CFAP70: variants seen among roughly 807,000 people sequenced by gnomAD.
The protein encoded by CFAP70 is cilia- and flagella-associated protein 70.
A neutral mutation model predicts 137.6 loss-of-function variants in CFAP70; 81 were observed. The ratio of observed to expected loss-of-function variants is 0.59; its 90% confidence interval spans 0.49 to 0.71. The LOEUF (loss-of-function observed/expected upper bound fraction) is 0.71. Among genes scored for constraint, CFAP70 ranks in the 30% least tolerant of loss-of-function variants. The probability of loss-of-function intolerance (pLI) is 0.00; values close to 1 mark genes in which losing one functional copy is unlikely to be tolerated. For synonymous variants in CFAP70, 382 were observed against 423.6 expected (o/e 0.90, Z 1.20); for missense variants, 976 against 1,226.7 (o/e 0.80, Z 3.05).
exon 8 of CFAP70, chr10:73,331,212 T>A: frequency 1.2e-6 from 2 of 1,613,448 alleles, no homozygotes; most frequent in South Asian, 2.2e-5. Flanking sequence ...TTGGGTATAG[T>A]GACCAGAGGA....
In CFAP70 at chr10:73,266,669, T is replaced by C. The variant is rs118065727; in HGVS notation, c.3027+2945A>G. On this transcript the variant is annotated intron_variant, in intron 25 of 26. Coordinates refer to ENST00000310715, the Ensembl canonical transcript of CFAP70. ...TTAAAAAGTCATGAATGGGTGTTAA[T>C]TTTAGCCAATGATTTAGTTTTTAAA... 4.6e-3 allele frequency among the ~76,000 whole-genome samples: 706 copies of C among 152,274 alleles called. 2 individuals are homozygous for C. The highest frequency in any genetic ancestry group is 6.9e-3 in the Non-Finnish European group (469 of 68,006).
At chr10:73,321,966 T>C (rs899491369) in intron 9 of CFAP70, among the ~76,000 whole-genome samples, 27 of 152,136 alleles carry the variant, frequency 1.8e-4, no homozygotes, top group Non-Finnish European at 3.2e-4. Context: ...GTATTTTTAG[T>C]AGAGACGGGT....
In CFAP70 at chr10:73,315,216, CAA is replaced by C. The variant is rs58468801; in HGVS notation, c.913-2575_913-2574del. 4.2e-3 allele frequency among the ~76,000 whole-genome samples: 271 copies of C among 64,034 alleles called. 1 individual carries two copies. Among genetic ancestry groups the C allele is most frequent in the African/African-American group, 8.1e-3 (186 of 22,958 alleles). The allele number at this position is 64,034 out of a possible 152,430, so 42.0% of individuals were successfully genotyped here. On this transcript the variant is annotated intron_variant, in intron 9 of 26. Coordinates refer to ENST00000310715, the Ensembl canonical transcript of CFAP70. ...TGGGTGACAGAGTGAGACCCCATCT[CAA>C]AAAAAAAAAAAAAAAAAACAGCTTT...
intron 3 of CFAP70, among the ~76,000 whole-genome samples, chr10:73,351,915 CAAGTTGGGGTGG>C (rs1461577605): frequency 6.6e-6 from 1 of 152,258 alleles, no homozygotes; most frequent in East Asian, 1.9e-4. Flanking sequence ...TCATTACTGA[CAAGTTGGGGTGG>C]AAGTCTAGGT....
At chr10:73,333,468 T>C (rs1247611060) in intron 7 of CFAP70, among the ~76,000 whole-genome samples, 1 of 151,718 alleles carries the variant, frequency 6.6e-6, no homozygotes, top group African/African-American at 2.4e-5. Context: ...TCTAGGCATA[T>C]CATTTTCAAA....
rs2050385851 is a variant in CFAP70, at chr10:73,316,496, A to ATC, written c.913-3854_913-3853insGA. 2.2e-5 allele frequency among the ~76,000 whole-genome samples: 3 copies of ATC among 134,132 alleles called. No homozygotes were observed. In the South Asian group the frequency reaches 7.8e-4, roughly 35 times the overall value. The allele number at this position is 134,132 out of a possible 152,430, so 88.0% of individuals were successfully genotyped here. A position where few individuals can be genotyped will look rare whatever the true frequency, so the allele number is the denominator to read the frequency against. On this transcript the variant is annotated intron_variant, in intron 9 of 26. Coordinates refer to ENST00000310715, the Ensembl canonical transcript of CFAP70. The stretch of plus-strand genomic sequence containing the variant: ...TATATATATAGATATAGATATATAT[A>ATC]TATATATATATATATATGACGTACA...
Position 73,275,512 on chromosome 10 carries a change from G to A in CFAP70, c.2607C>T (p.His869=). ...CCTTGGCAAAGTTCTTCTTAAGAAT[G>A]TGTGTTTGGGCCAGCACCAAGTAAT... is the stretch of plus-strand genomic sequence containing the variant. The change falls in exon 22 of 27, where the codon CAC becomes CAT. Residue 869 remains histidine, a synonymous_variant. Transcript: ENST00000310715. The surrounding 1 kb of genome is among the most constrained non-coding windows in gnomAD (Gnocchi z 4.0). 6.2e-7 allele frequency: 1 copy of A among 1,611,964 alleles called. No homozygotes were observed. Among genetic ancestry groups the A allele is most frequent in the Non-Finnish European group, 8.5e-7 (1 of 1,179,284 alleles).
At position 73,323,843 on chromosome 10, in the gene CFAP70, C is replaced by T. The variant is rs377160269; in HGVS notation, c.778-746G>A. Among the ~76,000 whole-genome samples, 14 of 152,342 alleles carry T rather than the reference C, an allele frequency of 9.2e-5. No homozygotes were observed. The South Asian group carries it at 2.9e-3, about 32-fold the overall frequency. On this transcript the variant is annotated intron_variant, in intron 8 of 26. Transcript: ENST00000310715. The stretch of plus-strand genomic sequence containing the variant: ...GCCAGGAAGCTCCAACTGGGTGGAG[C>T]CCACCACAGCTCAAGGAGGCCTGCC...
chr10:73,304,863 A>C (rs2049251946), intron 12 of CFAP70, among the ~76,000 whole-genome samples: 1 of 151,940 alleles, frequency 6.6e-6, no homozygotes, highest in African/African-American at 2.4e-5. Context: ...AAAAAAACAC[A>C]CACACCAGAA....
At position 73,334,586 on chromosome 10, in the gene CFAP70, T is replaced by C. The variant is rs1184225884; in HGVS notation, c.677+844A>G. 2.0e-5 allele frequency among the ~76,000 whole-genome samples: 3 copies of C among 147,448 alleles called. No individual in the cohort carries two copies. In the East Asian group the frequency reaches 5.9e-4, roughly 29 times the overall value. ...ATCATACATACCAATTCTGGACTCT[T>C]TTTTTTTTTTTTGAGATGGAGTCTC... On this transcript the variant is annotated intron_variant, in intron 7 of 26. Coordinates refer to ENST00000310715, the Ensembl canonical transcript of CFAP70.
chr10:73,325,743 C>A (rs1290129721), intron 8 of CFAP70, among the ~76,000 whole-genome samples: 1 of 151,876 alleles, frequency 6.6e-6, no homozygotes, highest in Non-Finnish European at 1.5e-5. Context: ...ACAAAGAAGG[C>A]CATTACATAA....
rs549866631 is a variant in CFAP70 at position 73,275,312 on chromosome 10, G to T, written c.2673+134C>A. The T allele has an allele frequency of 1.7e-5, 18 of 1,034,936 alleles. No individual in the cohort carries two copies. Among genetic ancestry groups the T allele is most frequent in the African/African-American group, 1.6e-4 (10 of 61,178 alleles). 64.1% of individuals were successfully genotyped at this position (1,034,936 alleles called of 1,614,324 possible). On this transcript the variant is annotated intron_variant, in intron 22 of 26. Transcript: ENST00000310715. The surrounding 1 kb of genome is among the most constrained non-coding windows in gnomAD (Gnocchi z 4.0). ...ATTACTTAAGAAAAGCAAATGGAAG[G>T]GTATAGAGAGATGAGTTTACTGACA...
chr10:73,307,638 A>G (rs2049501362), intron 12 of CFAP70, among the ~76,000 whole-genome samples: 1 of 152,182 alleles, frequency 6.6e-6, no homozygotes, highest in Non-Finnish European at 1.5e-5. Flanking sequence ...AATATTGATA[A>G]AAGGTTAAAT....
chr10:73,285,592 G>C (rs536583826), intron 19 of CFAP70, among the ~76,000 whole-genome samples: 1 of 151,322 alleles, frequency 6.6e-6, no homozygotes, highest in Non-Finnish European at 1.5e-5. Context: ...TCTAGGAAAT[G>C]CAGAAACCCA....
At chr10:73,349,253 C>T (rs2053988144) in intron 3 of CFAP70, among the ~76,000 whole-genome samples, 1 of 151,632 alleles carries the variant, frequency 6.6e-6, no homozygotes, top group Non-Finnish European at 1.5e-5. Context: ...AAAAACACTG[C>T]TCTAGGGTGG....
Position 73,275,699 on chromosome 10 carries a change from T to A in CFAP70, c.2521-101A>T. On this transcript the variant is annotated intron_variant, in intron 21 of 26. Transcript: ENST00000310715. The surrounding 1 kb of genome is among the most constrained non-coding windows in gnomAD (Gnocchi z 4.0). ...TGATAATAAATAATACGAAATGTATTACAGAATGAAATAATTATCCTCAAC... is the reference window on the plus strand; with the variant it reads ...TGATAATAAATAATACGAAATGTATAACAGAATGAAATAATTATCCTCAAC... 9.5e-7 allele frequency: 1 copy of A among 1,058,164 alleles called. No individual in the cohort carries two copies. The highest frequency in any genetic ancestry group is 1.3e-6 in the Non-Finnish European group (1 of 769,304). 65.5% of individuals were successfully genotyped at this position (1,058,164 alleles called of 1,614,324 possible). A position where few individuals can be genotyped will look rare whatever the true frequency, so the allele number is the denominator to read the frequency against.
At chr10:73,277,555 A>G (rs113395009) in intron 20 of CFAP70, among the ~76,000 whole-genome samples, 194 bp from the exon 22 acceptor site, 6 of 152,072 alleles carry the variant, frequency 3.9e-5, no homozygotes, top group Non-Finnish European at 7.4e-5. Flanking sequence ...TGCACTAAAA[A>G]TACAAAAATT....
At chr10:73,316,469 T>G (rs1409397293) in intron 9 of CFAP70, among the ~76,000 whole-genome samples, 2 of 116,516 alleles carry the variant, frequency 1.7e-5, no homozygotes, top group African/African-American at 3.5e-5. Flanking sequence ...TTGAGATATA[T>G]ATATATATAT....
chr10:73,295,724 C>A (rs534258268), intron 15 of CFAP70: 12 of 152,212 alleles, frequency 7.9e-5, no homozygotes, highest in African/African-American at 2.9e-4. Flanking sequence ...TTTAACAATC[C>A]CACTTGTCTC....
Sources: allele counts gnomAD v4.1 joint callset (sites outside exome capture counted in the v4.1 genomes callset), GRCh38; gene constraint gnomAD v4.1.1; non-coding constraint Gnocchi (gnomAD v3.1); transcripts MANE v1.5; gene names NCBI Gene and HGNC (gene_info 2026-07-23, HGNC 2026-07-21).